The following CACUL1 variants were observed in gnomAD, a reference collection of about 807,000 sequenced individuals.
The protein encoded by CACUL1 is CDK2 associated cullin domain 1.
A neutral mutation model predicts 45.2 loss-of-function variants in CACUL1; 13 were observed. The observed-to-expected ratio is 0.29, with a 90% CI of 0.19 to 0.46. The LOEUF (loss-of-function observed/expected upper bound fraction) is 0.46, where lower values mean the gene tolerates loss of function less well. CACUL1 is among the 20% of genes least tolerant of loss of function. The pLI, the probability that CACUL1 is intolerant of heterozygous loss-of-function variation, is 1.00. For missense variants in CACUL1, 421 were observed against 471.4 expected (o/e 0.89, Z 0.99); for synonymous variants, 197 against 174.2 (o/e 1.13, Z -1.03).
In CACUL1 at chr10:118,683,251, A is replaced by C. The variant is rs1262365289; in HGVS notation, c.*2877T>G. The C allele has an allele frequency of 6.6e-6, 1 of 152,216 alleles. No homozygotes were observed. 9.4% of individuals were successfully genotyped at this position (152,216 alleles called of 1,614,324 possible). A position where few individuals can be genotyped will look rare whatever the true frequency, so the allele number is the denominator to read the frequency against. ...CACATACATACTAGACAGTTGAAGC[A>C]AATCAGCCATTGACTAACCAGACAA... On this transcript the variant is annotated 3_prime_UTR_variant, in exon 9 of 9. Coordinates refer to ENST00000369151, the MANE Select transcript of CACUL1 (RefSeq NM_153810.5).
At chr10:118,754,330 G>C in intron 1 of CACUL1, 66 bp downstream of exon 1, 3 of 1,435,694 alleles carry the variant, frequency 2.1e-6, no homozygotes, top group Non-Finnish European at 2.7e-6. Flanking sequence ...TTCTCCAAGA[G>C]GGGGTGGATT....
intron 1 of CACUL1, among the ~76,000 whole-genome samples, chr10:118,733,070 C>T (rs1231974813): frequency 1.3e-5 from 2 of 152,188 alleles, no homozygotes; most frequent in Non-Finnish European, 2.9e-5. Flanking sequence ...GTTCAATAAA[C>T]CACATGCTAT....
intron 1 of CACUL1, among the ~76,000 whole-genome samples, chr10:118,736,768 G>C (rs945489059): frequency 2.6e-5 from 4 of 152,104 alleles, no homozygotes; most frequent in Non-Finnish European, 5.9e-5. Context: ...AGTCTTGGAA[G>C]TTCCAATCAT....
intron 1 of CACUL1, among the ~76,000 whole-genome samples, chr10:118,738,249 A>G (rs1298737965): frequency 6.6e-6 from 1 of 152,214 alleles, no homozygotes; most frequent in African/African-American, 2.4e-5. Context: ...TGCAGACTCA[A>G]CGGTAAAAAG....
In CACUL1 at chr10:118,683,908, C is replaced by T. The variant is rs1415474893; in HGVS notation, c.*2220G>A. ...GGGCCAAGATGATTAACAGCCAGGA[C>T]ATGTAGACTGGGAGACTATGTACAA... On this transcript the variant is annotated 3_prime_UTR_variant, in exon 9 of 9. Transcript: ENST00000369151. The T allele has an allele frequency of 6.6e-6, 1 of 152,210 alleles. No homozygotes were observed. Among genetic ancestry groups the T allele is most frequent in the Middle Eastern group, 3.2e-3 (1 of 316 alleles). The allele number at this position is 152,210 out of a possible 1,614,324, so 9.4% of individuals were successfully genotyped here. A position where few individuals can be genotyped will look rare whatever the true frequency, so the allele number is the denominator to read the frequency against.
intron 5 of CACUL1, among the ~76,000 whole-genome samples, chr10:118,699,041 G>A (rs187279063): frequency 1.4e-4 from 21 of 152,272 alleles, no homozygotes; most frequent in African/African-American, 3.9e-4. Flanking sequence ...CTATAAAATG[G>A]AGGTAATGAC....
Position 118,679,649 on chromosome 10 carries a change from G to A in CACUL1, c.*6479C>T, listed in dbSNP as rs1845133472. Reference sequence around the variant, plus strand: ...TTTTCCTGCCTCAGCCTCCCGAGTAGCTGGGATTACAGTCGTGTACCCCCA... The same window carrying A: ...TTTTCCTGCCTCAGCCTCCCGAGTAACTGGGATTACAGTCGTGTACCCCCA... On this transcript the variant is annotated 3_prime_UTR_variant, in exon 9 of 9. Coordinates refer to ENST00000369151, the MANE Select transcript of CACUL1 (RefSeq NM_153810.5). 1 of 151,756 alleles carries A rather than the reference G, an allele frequency of 6.6e-6. No individual in the cohort carries two copies. The highest frequency in any genetic ancestry group is 1.5e-5 in the Non-Finnish European group (1 of 68,054). 9.4% of individuals were successfully genotyped at this position (151,756 alleles called of 1,614,324 possible). A position where few individuals can be genotyped will look rare whatever the true frequency, so the allele number is the denominator to read the frequency against.
At chr10:118,691,124 G>C in intron 7 of CACUL1, 141 bp downstream of exon 7, 1 of 694,644 alleles carries the variant, frequency 1.4e-6, no homozygotes, top group Non-Finnish European at 2.4e-6. Context: ...TACAGACAAG[G>C]AGCTAATGTC....
In CACUL1 at chr10:118,678,062, T is replaced by C. The variant is rs1589597496; in HGVS notation, c.*8066A>G. 6.6e-6 allele frequency: 1 copy of C among 152,232 alleles called. No homozygotes were observed. The highest frequency in any genetic ancestry group is 1.9e-4 in the East Asian group (1 of 5,196). 9.4% of individuals were successfully genotyped at this position (152,232 alleles called of 1,614,324 possible). On this transcript the variant is annotated 3_prime_UTR_variant, in exon 9 of 9. Coordinates refer to ENST00000369151, the MANE Select transcript of CACUL1 (RefSeq NM_153810.5). Reference sequence around the variant, plus strand: ...TGGTATCTATGCTTTTAATGTGCATTACCTGACGACTAATGAGGCTGAACA... The same window carrying C: ...TGGTATCTATGCTTTTAATGTGCATCACCTGACGACTAATGAGGCTGAACA...
rs779322814 is a variant in CACUL1, at chr10:118,729,275, C to T, written c.597+20G>A. The T allele has an allele frequency of 6.3e-7, 1 of 1,580,686 alleles. No homozygotes were observed. Among genetic ancestry groups the T allele is most frequent in the South Asian group, 1.1e-5 (1 of 89,914 alleles). ...CAGGAAAACCCAAGGAAGCAAAAAT[C>T]AATACAATCAGTTCTTTACCTGCAG... On this transcript the variant is annotated intron_variant, in intron 3 of 8. Transcript: ENST00000369151.
intron 4 of CACUL1, among the ~76,000 whole-genome samples, chr10:118,702,779 A>G (rs761091792): frequency 2.6e-5 from 4 of 152,024 alleles, no homozygotes; most frequent in Non-Finnish European, 5.9e-5. Context: ...ATGGGGTTTC[A>G]TCACATTGGT....
chr10:118,703,547 T>C (rs1845405102), intron 4 of CACUL1, among the ~76,000 whole-genome samples: 1 of 152,224 alleles, frequency 6.6e-6, no homozygotes, highest in African/African-American at 2.4e-5. Context: ...TATACATATT[T>C]GTATGTATTT....
At chr10:118,736,433 TGGAG>T (rs1312620299) in intron 1 of CACUL1, among the ~76,000 whole-genome samples, 2 of 151,990 alleles carry the variant, frequency 1.3e-5, no homozygotes, top group East Asian at 3.9e-4. Context: ...TCACCCAGGC[TGGAG>T]TACAGTGGTG....
intron 1 of CACUL1, among the ~76,000 whole-genome samples, chr10:118,741,626 A>C (rs1845794100): frequency 6.6e-6 from 1 of 152,168 alleles, no homozygotes; most frequent in Admixed American, 6.5e-5. Flanking sequence ...AAATATCTCC[A>C]AATTGAAACC....
Position 118,707,455 on chromosome 10 carries a change from C to T in CACUL1, c.693+37G>A, listed in dbSNP as rs759448483. On this transcript the variant is annotated intron_variant, in intron 4 of 8. Transcript: ENST00000369151. ...TCTATTTGTGCTCTCAACAATACAC[C>T]TAGGTATTTGGGAAGGAGGAAGGAG... The T allele has an allele frequency of 1.3e-5, 12 of 947,472 alleles. No homozygotes were observed. In the South Asian group the frequency reaches 1.3e-4, roughly 10 times the overall value. The allele number at this position is 947,472 out of a possible 1,614,324, so 58.7% of individuals were successfully genotyped here. A position where few individuals can be genotyped will look rare whatever the true frequency, so the allele number is the denominator to read the frequency against.
intron 7 of CACUL1, 92 bp from the exon 8 acceptor site, chr10:118,686,733 A>G: frequency 1.1e-6 from 1 of 914,544 alleles, no homozygotes; most frequent in Non-Finnish European, 1.8e-6. Context: ...TATAGCAGAC[A>G]TTTCAGTTCT....
chr10:118,721,453 ACT>A (rs907862947), intron 3 of CACUL1, among the ~76,000 whole-genome samples: 20 of 151,120 alleles, frequency 1.3e-4, no homozygotes, highest in African/African-American at 4.8e-4. Flanking sequence ...CATCAACATC[ACT>A]CTAATTTTAT....
chr10:118,729,395 C>T lies in CACUL1; in HGVS notation c.497G>A (p.Cys166Tyr), dbSNP rs1170782907. 1 of 1,607,278 alleles carries T rather than the reference C, an allele frequency of 6.2e-7. No individual in the cohort carries two copies. The highest frequency in any genetic ancestry group is 8.5e-7 in the Non-Finnish European group (1 of 1,177,552). ...IPISYEQIYS[C>Y]VYKCVCQQHS... ...CTGCTGGCATACACATTTATACACA[C>T]AACTGTAAAACAAACAAAAACCCCC... The change falls in exon 3 of 9, where the codon TGT (cysteine) becomes TAT (tyrosine). Residue 166 changes from cysteine to tyrosine, a missense_variant and splice_region_variant. Physicochemically the swap from Cys to Tyr is radical, Grantham distance 194. Coordinates refer to ENST00000369151, the MANE Select transcript of CACUL1 (RefSeq NM_153810.5).
intron 3 of CACUL1, among the ~76,000 whole-genome samples, chr10:118,724,223 C>G (rs1229040412): frequency 6.6e-6 from 1 of 152,148 alleles, no homozygotes; most frequent in Non-Finnish European, 1.5e-5. Flanking sequence ...GTTGTCAAAG[C>G]TCTATTAAAT....
Sources: gnomAD v4.1 joint callset for allele counts (sites outside exome capture counted in the v4.1 genomes callset) on GRCh38, gnomAD v4.1.1 for gene constraint, MANE v1.5 for transcripts, NCBI Gene and HGNC (gene_info 2026-07-23, HGNC 2026-07-21) for gene names.